The following UNC5D variants were observed in gnomAD, a reference collection of about 807,000 sequenced individuals.
UNC5D encodes the protein netrin receptor UNC5D.
Under a neutral mutation model 105.4 loss-of-function variants are expected in UNC5D, and 39 were observed. That is an observed-to-expected ratio of 0.37 (90% CI 0.29 to 0.48). The LOEUF is 0.48. Ranked by LOEUF, UNC5D falls within the 20% of genes least tolerant of loss-of-function variation. The pLI is 0.98. For synonymous variants in UNC5D, 452 were observed against 450.4 expected, an observed-to-expected ratio of 1.00 and a Z score of -0.04; for missense variants, 991 against 1,202.4, an observed-to-expected ratio of 0.82 and a Z score of 2.60.
At chr8:35,637,133 A>G (rs1288529486) in intron 4 of UNC5D, among the ~76,000 whole-genome samples, 3 of 152,206 alleles carry the variant, frequency 2.0e-5, no homozygotes, top group African/African-American at 7.2e-5. Context: ...CCAGTTTCCT[A>G]AAGTGGTTCC....
intron 8 of UNC5D, among the ~76,000 whole-genome samples, chr8:35,715,695 G>A (rs1828215909): frequency 6.6e-6 from 1 of 152,116 alleles, no homozygotes; most frequent in African/African-American, 2.4e-5. Flanking sequence ...TTGTAGGCAG[G>A]GGGCAAGGCC....
chr8:35,249,904 C>A (rs1447533301), intron 1 of UNC5D, among the ~76,000 whole-genome samples: 2 of 151,926 alleles, frequency 1.3e-5, no homozygotes, highest in Non-Finnish European at 2.9e-5. Context: ...ATCTACAAAT[C>A]CCTTGTCTTC....
intron 1 of UNC5D, among the ~76,000 whole-genome samples, chr8:35,272,434 A>G (rs1805475692): frequency 1.3e-5 from 2 of 152,146 alleles, no homozygotes; most frequent in African/African-American, 4.8e-5. Flanking sequence ...CTTCAAGGTC[A>G]ATATCCTTGC....
intron 1 of UNC5D, among the ~76,000 whole-genome samples, chr8:35,241,895 G>C (rs895611324): frequency 6.6e-6 from 1 of 152,046 alleles, no homozygotes; most frequent in Admixed American, 6.6e-5. Context: ...ATAAACTATA[G>C]TCACCCTACT....
chr8:35,302,769 T>C (rs1321368783), intron 1 of UNC5D, among the ~76,000 whole-genome samples: 2 of 152,182 alleles, frequency 1.3e-5, no homozygotes, highest in African/African-American at 4.8e-5. Flanking sequence ...TATTAAATAT[T>C]GCACAAGATA....
Position 35,538,392 on chromosome 8 carries a change from TAATTATATATATATATATATATATA to T in UNC5D, c.104-10899_104-10875del, listed in dbSNP as rs1399051273. On this transcript the variant is annotated intron_variant, in intron 1 of 16. Coordinates refer to ENST00000404895, the MANE Select transcript of UNC5D (RefSeq NM_080872.4). Reference sequence around the variant, plus strand: ...TGGTCAGTCGTGATTTAAAAAAAAATAATTATATATATATATATATATATATATATATATATATATATATATATGA... The same window carrying T: ...TGGTCAGTCGTGATTTAAAAAAAAATTATATATATATATATATATATATGA... Among the ~76,000 whole-genome samples, 274 of 83,010 alleles carry T rather than the reference TAATTATATATATATATATATATATA, an allele frequency of 3.3e-3. 2 individuals carry two copies. Among genetic ancestry groups the T allele is most frequent in the African/African-American group, 0.013 (255 of 19,848 alleles). The allele number at this position is 83,010 out of a possible 152,430, so 54.5% of individuals were successfully genotyped here.
At chr8:35,657,080 G>GTGTATATATA (rs1281641556) in intron 4 of UNC5D, among the ~76,000 whole-genome samples, 9 of 46,516 alleles carry the variant, frequency 1.9e-4, no homozygotes, top group East Asian at 1.2e-3. Flanking sequence ...GTGTGTGTGT[G>GTGTATATATA]TATATATATA....
chr8:35,274,324 T>G (rs1563270798), intron 1 of UNC5D, among the ~76,000 whole-genome samples: 2 of 152,234 alleles, frequency 1.3e-5, no homozygotes, highest in African/African-American at 4.8e-5. Context: ...AGGATTTGTC[T>G]TAAGAACTCA....
intron 1 of UNC5D, among the ~76,000 whole-genome samples, chr8:35,460,277 G>T (rs1242420651): frequency 6.6e-6 from 1 of 152,126 alleles, no homozygotes; most frequent in Non-Finnish European, 1.5e-5. Flanking sequence ...CCTGAGGCTT[G>T]CTTTCCCTAG....
chr8:35,347,385 A>T (rs1376372918), intron 1 of UNC5D, among the ~76,000 whole-genome samples: 1 of 152,010 alleles, frequency 6.6e-6, no homozygotes, highest in African/African-American at 2.4e-5. Flanking sequence ...TGATGAACAC[A>T]TGGCATTCAC....
chr8:35,342,395 G>T (rs2128903257), intron 1 of UNC5D, among the ~76,000 whole-genome samples: 1 of 152,074 alleles, frequency 6.6e-6, no homozygotes, highest in African/African-American at 2.4e-5. Context: ...AAAGATGTTG[G>T]GCATGGTCTT....
intron 1 of UNC5D, among the ~76,000 whole-genome samples, chr8:35,247,579 A>AATT (rs562119577): frequency 9.3e-6 from 1 of 107,888 alleles, no homozygotes; most frequent in African/African-American, 3.8e-5. Flanking sequence ...ATATGTATAA[A>AATT]ATATATAAAA....
Position 35,728,768 on chromosome 8 carries a change from A to G in UNC5D, c.1681+2239A>G, listed in dbSNP as rs373016096. 9.8e-5 allele frequency among the ~76,000 whole-genome samples: 15 copies of G among 152,340 alleles called. No individual in the cohort carries two copies. The East Asian group carries it at 1.7e-3, about 18-fold the overall frequency. ...GGTCTCCACACTCTAGAAATTATTT[A>G]TTATTCCAAATATAAAACAGGAAGC... is the stretch of plus-strand genomic sequence containing the variant. On this transcript the variant is annotated intron_variant, in intron 10 of 16. Transcript: ENST00000404895.
intron 7 of UNC5D, among the ~76,000 whole-genome samples, chr8:35,700,893 G>T (rs1342385045): frequency 2.0e-5 from 3 of 152,078 alleles, no homozygotes; most frequent in Non-Finnish European, 4.4e-5. Flanking sequence ...ATAAGCCAGA[G>T]AATAGATACA....
chr8:35,248,657 A>AT (rs1803385692), intron 1 of UNC5D, among the ~76,000 whole-genome samples: 1 of 100,080 alleles, frequency 1.0e-5, no homozygotes, highest in African/African-American at 4.3e-5. Flanking sequence ...TATATTTATA[A>AT]ATATAAATAT....
At chr8:35,607,154 C>T (rs1306238470) in intron 4 of UNC5D, among the ~76,000 whole-genome samples, 6 of 152,272 alleles carry the variant, frequency 3.9e-5, no homozygotes, top group South Asian at 2.1e-4. Flanking sequence ...AGTGGCAGCG[C>T]AGTCCAATGT....
At chr8:35,693,561 C>A (rs1477384115) in intron 7 of UNC5D, among the ~76,000 whole-genome samples, 2 of 152,154 alleles carry the variant, frequency 1.3e-5, no homozygotes, top group Non-Finnish European at 2.9e-5. Context: ...AAAACTTTTT[C>A]TGTTGTCACC....
intron 11 of UNC5D, among the ~76,000 whole-genome samples, chr8:35,735,030 G>A (rs947853832): frequency 1.3e-5 from 2 of 151,966 alleles, no homozygotes; most frequent in Non-Finnish European, 2.9e-5. Context: ...CACCCGCCTC[G>A]GCCTCCCAAA....
intron 1 of UNC5D, among the ~76,000 whole-genome samples, chr8:35,489,779 A>G (rs1323473928): frequency 6.6e-6 from 1 of 152,204 alleles, no homozygotes; most frequent in Non-Finnish European, 1.5e-5. Context: ...ACTTCTACAA[A>G]ACATGTAGCT....
Sources: gnomAD v4.1 joint callset for allele counts (sites outside exome capture counted in the v4.1 genomes callset) on GRCh38, gnomAD v4.1.1 for gene constraint, MANE v1.5 for transcripts, NCBI Gene and HGNC (gene_info 2026-07-23, HGNC 2026-07-21) for gene names.